The following ATP8B4 variants were observed in gnomAD, a reference collection of about 807,000 sequenced individuals.
ATP8B4 encodes probable phospholipid-transporting ATPase IM.
In ATP8B4, 133 loss-of-function variants were observed where a neutral mutation model predicts 145.6. The ratio of observed to expected loss-of-function variants is 0.91; its 90% CI spans 0.79 to 1.05. The LOEUF (loss-of-function observed/expected upper bound fraction) is 1.05, where lower values mean the gene tolerates loss of function less well. Among genes scored for constraint, ATP8B4 ranks in the 50% least tolerant of loss-of-function variants. ATP8B4 has a pLI of 0.00. For synonymous variants in ATP8B4, 507 were observed against 492.9 expected, an observed-to-expected ratio of 1.03 and a Z score of -0.38; for missense variants, 1,458 against 1,425.2, an observed-to-expected ratio of 1.02 and a Z score of -0.37.
intron 14 of ATP8B4, among the ~76,000 whole-genome samples, chr15:49,939,614 A>G (rs1471623486): frequency 6.6e-6 from 1 of 152,054 alleles, no homozygotes; most frequent in Non-Finnish European, 1.5e-5. Flanking sequence ...TAATTTAAAA[A>G]CCCACAAACC....
At position 49,961,834 on chromosome 15, in the gene ATP8B4, C is replaced by CT. The variant is rs1447152037; in HGVS notation, c.1287+142_1287+143insA. Reference sequence around the variant, plus strand: ...AGTAATATGAGAAGGAATTTTGAATCATATTAATCTATTTTTTAATGCTAT... The same window carrying CT: ...AGTAATATGAGAAGGAATTTTGAATCTATATTAATCTATTTTTTAATGCTAT... On this transcript the variant is annotated intron_variant, in intron 14 of 27. Coordinates refer to ENST00000284509, the MANE Select transcript of ATP8B4 (RefSeq NM_024837.4). 434 of 651,284 alleles carry CT rather than the reference C, an allele frequency of 6.7e-4. 6 individuals carry two copies. The South Asian group carries it at 9.3e-3, about 14-fold the overall frequency. The allele number at this position is 651,284 out of a possible 1,614,324, so 40.3% of individuals were successfully genotyped here.
intron 20 of ATP8B4, among the ~76,000 whole-genome samples, chr15:49,904,023 C>A (rs1489779037): frequency 6.6e-6 from 1 of 152,196 alleles, no homozygotes; most frequent in Non-Finnish European, 1.5e-5. Flanking sequence ...TGGGTTCAGA[C>A]TGCCTCTGAC....
At chr15:50,005,690 T>G (rs1373091262) in intron 7 of ATP8B4, among the ~76,000 whole-genome samples, 1 of 152,210 alleles carries the variant, frequency 6.6e-6, no homozygotes, top group African/African-American at 2.4e-5. Context: ...GAGCTGGAAT[T>G]AGAATTTAGA....
chr15:49,918,823 T>A lies in ATP8B4; in HGVS notation c.2035+16A>T. ...CCCCATTTTCAAAATATCATCAACA[T>A]CCATTTTCAAGTTACCTTGTTTGTC... On this transcript the variant is annotated intron_variant, in intron 19 of 27. Coordinates refer to ENST00000284509, the MANE Select transcript of ATP8B4 (RefSeq NM_024837.4). The A allele has an allele frequency of 6.4e-7, 1 of 1,558,044 alleles. No individual in the cohort carries two copies. Among genetic ancestry groups the A allele is most frequent in the Non-Finnish European group, 8.8e-7 (1 of 1,134,062 alleles).
intron 6 of ATP8B4, among the ~76,000 whole-genome samples, chr15:50,017,135 A>G (rs911964671): frequency 2.6e-5 from 4 of 152,198 alleles, no homozygotes; most frequent in African/African-American, 7.2e-5. Context: ...TGCTTCCCCA[A>G]TCCAAGTTTA....
At chr15:50,059,328 T>C (rs1299863681) in intron 3 of ATP8B4, among the ~76,000 whole-genome samples, 2 of 152,186 alleles carry the variant, frequency 1.3e-5, no homozygotes, top group African/African-American at 4.8e-5. Flanking sequence ...TCTAAGTCAC[T>C]GAACTGATTT....
chr15:49,879,547 G>C, intron 23 of ATP8B4, 88 bp from the exon 24 acceptor site: 1 of 1,190,726 alleles, frequency 8.4e-7, no homozygotes, highest in South Asian at 1.5e-5. Flanking sequence ...GGTTTTCTGA[G>C]GTGGGTGGGA....
intron 8 of ATP8B4, among the ~76,000 whole-genome samples, 199 bp downstream of exon 8, chr15:50,001,954 G>A (rs995671145): frequency 5.3e-5 from 8 of 151,984 alleles, no homozygotes; most frequent in Non-Finnish European, 1.0e-4. Context: ...TATAAGTTTC[G>A]CTCACTGTTT....
intron 9 of ATP8B4, 118 bp downstream of exon 9, chr15:49,996,559 G>A (rs2047442484): frequency 2.5e-6 from 2 of 808,680 alleles, no homozygotes; most frequent in African/African-American, 3.4e-5. Context: ...TTTGATGCCT[G>A]GAGAATTTGA....
chr15:49,931,860 A>C (rs1053699419), intron 15 of ATP8B4, among the ~76,000 whole-genome samples: 1 of 151,964 alleles, frequency 6.6e-6, no homozygotes, highest in African/African-American at 2.4e-5. Context: ...AATGCATACA[A>C]GAAATCCCTT....
At chr15:49,974,580 G>T (rs1347484499) in intron 12 of ATP8B4, among the ~76,000 whole-genome samples, 2 of 151,800 alleles carry the variant, frequency 1.3e-5, no homozygotes, top group East Asian at 3.9e-4. Flanking sequence ...CTTTCTAAAG[G>T]ATCAAATTTA....
chr15:50,139,366 C>G (rs1221512627), intron 1 of ATP8B4, among the ~76,000 whole-genome samples: 2 of 151,742 alleles, frequency 1.3e-5, no homozygotes, highest in African/African-American at 4.8e-5. Context: ...TGTTCTCACT[C>G]ATAAGTGGGA....
chr15:49,947,351 A>G (rs1244935154), intron 14 of ATP8B4, among the ~76,000 whole-genome samples: 1 of 151,400 alleles, frequency 6.6e-6, no homozygotes, highest in Non-Finnish European at 1.5e-5. Context: ...CAATCACTTG[A>G]ACCTGGGAGG....
chr15:49,970,073 C>G (rs927622845), intron 13 of ATP8B4, among the ~76,000 whole-genome samples: 3 of 152,100 alleles, frequency 2.0e-5, no homozygotes, highest in African/African-American at 4.8e-5. Context: ...ATTCAGCACC[C>G]CTTCATGCTA....
chr15:49,998,225 T>TA (rs2047586364), intron 8 of ATP8B4, among the ~76,000 whole-genome samples: 1 of 152,188 alleles, frequency 6.6e-6, no homozygotes, highest in Non-Finnish European at 1.5e-5. Flanking sequence ...TTGATACTTT[T>TA]AAAAAGTATT....
At chr15:50,139,212 A>C (rs1056526060) in intron 1 of ATP8B4, among the ~76,000 whole-genome samples, 2 of 152,242 alleles carry the variant, frequency 1.3e-5, no homozygotes, top group African/African-American at 4.8e-5. Context: ...GACAGACTGG[A>C]TAAAGAAAAT....
intron 1 of ATP8B4, among the ~76,000 whole-genome samples, chr15:50,174,925 T>A (rs1005482940): frequency 6.6e-6 from 1 of 152,172 alleles, no homozygotes; most frequent in African/African-American, 2.4e-5. Flanking sequence ...CAAAACAGCA[T>A]GGTACTGGTA....
intron 1 of ATP8B4, among the ~76,000 whole-genome samples, chr15:50,130,989 G>A (rs1473393592): frequency 1.3e-5 from 2 of 152,032 alleles, no homozygotes; most frequent in African/African-American, 4.8e-5. Context: ...TTACAATCAT[G>A]GCAGAAGGTG....
rs977622212 is a variant in ATP8B4, at chr15:50,170,852, T to C, written c.-43+11409A>G. On this transcript the variant is annotated intron_variant, in intron 1 of 3. Transcript: ENST00000558829. ...AAGGACTCACATAAACTTACAGTAA[T>C]GGGGTGGAAAGAGGTGTTTCATGCA... Among the ~76,000 whole-genome samples, 5 of 152,100 alleles carry C rather than the reference T, an allele frequency of 3.3e-5. No individual in the cohort carries two copies. The East Asian group carries it at 9.6e-4, about 29-fold the overall frequency.
Sources: gnomAD v4.1 joint callset for allele counts (sites outside exome capture counted in the v4.1 genomes callset) on GRCh38, gnomAD v4.1.1 for gene constraint, MANE v1.5 for transcripts, NCBI Gene and HGNC (gene_info 2026-07-23, HGNC 2026-07-21) for gene names.